Variants in CAMTA1 observed in about 807,000 individuals in gnomAD.
The protein encoded by CAMTA1 is calmodulin binding transcription activator 1, also known as calmodulin-binding transcription activator 1.
A neutral mutation model predicts 170.9 loss-of-function variants in CAMTA1; 27 were observed. The observed-to-expected ratio is 0.16, with a 90% CI of 0.12 to 0.22. The LOEUF is 0.22. Among genes scored for constraint, CAMTA1 ranks in the 10% least tolerant of loss-of-function variants. The pLI is 1.00. For missense variants in CAMTA1, 1,619 were observed against 2,217.2 expected (o/e 0.73, Z 5.42); for synonymous variants, 833 against 891.5 (o/e 0.93, Z 1.17).
chr1:7,582,285 T>C (rs1005113181), intron 6 of CAMTA1, among the ~76,000 whole-genome samples: 2 of 152,166 alleles, frequency 1.3e-5, no homozygotes, highest in African/African-American at 4.8e-5. Context: ...GTCCTTCTGA[T>C]AATGCAATGC....
At chr1:7,022,067 C>T (rs1056308538) in intron 3 of CAMTA1, among the ~76,000 whole-genome samples, 4 of 152,212 alleles carry the variant, frequency 2.6e-5, no homozygotes, top group Non-Finnish European at 4.4e-5. Context: ...GTCTCCCGAG[C>T]GTGACTCCCC....
chr1:7,016,848 A>C (rs1572459715), intron 3 of CAMTA1, among the ~76,000 whole-genome samples: 1 of 152,178 alleles, frequency 6.6e-6, no homozygotes, highest in African/African-American at 2.4e-5. Flanking sequence ...GAAGAAAAAA[A>C]AAAGGAAAAG....
Position 7,751,338 on chromosome 1 carries a change from G to C in CAMTA1, c.4829G>C (p.Cys1610Ser). 1 of 1,611,248 alleles carries C rather than the reference G, an allele frequency of 6.2e-7. No homozygotes were observed. Among genetic ancestry groups the C allele is most frequent in the Non-Finnish European group, 8.5e-7 (1 of 1,179,332 alleles). The change falls in exon 20 of 23, where the codon TGT becomes TCT. Residue 1610 changes from cysteine (C) to serine (S), a missense_variant. Transcript: ENST00000303635. ...AAGTACTACCGAAGTTATAAGAAAT[G>C]TGGCAAAAGACGGCAGGCTCGCCGG... ...IQKYYRSYKK[C>S]GKRRQARRTA... is the part of the protein sequence containing the mutation.
At chr1:7,019,067 G>A (rs956909818) in intron 3 of CAMTA1, among the ~76,000 whole-genome samples, 1 of 152,214 alleles carries the variant, frequency 6.6e-6, no homozygotes, top group African/African-American at 2.4e-5. Context: ...CATGCCTTTG[G>A]TGCTACCATG....
rs1158608185 is a variant in CAMTA1 at position 7,580,950 on chromosome 1, G to T, written c.511-59450G>T. On this transcript the variant is annotated intron_variant, in intron 6 of 22. Coordinates refer to ENST00000303635, the MANE Select transcript of CAMTA1 (RefSeq NM_015215.4). This position sits in a 1 kb window ranked among gnomAD's most constrained non-coding sequence, Gnocchi z 4.3. ...CTCATCTGTAAATGGGATAATAATA[G>T]AAAATACCCTAAAAGGTTGTTGAGA... 1.3e-5 allele frequency among the ~76,000 whole-genome samples: 2 copies of T among 152,182 alleles called. No homozygotes were observed. Among genetic ancestry groups the T allele is most frequent in the Non-Finnish European group, 2.9e-5 (2 of 68,036 alleles).
rs1466758049 is a variant in CAMTA1, at chr1:7,173,664, A to G, written c.303-75827A>G. On this transcript the variant is annotated intron_variant, in intron 4 of 22. Transcript: ENST00000303635. The surrounding 1 kb of genome is among the most constrained non-coding windows in gnomAD (Gnocchi z 5.4). ...CAGCCTCCCAAAGTGCTGAGATTAC[A>G]GGCGTGAGCCACCGTGCCCAGCCCA... Among the ~76,000 whole-genome samples the G allele has an allele frequency of 2.6e-5, 4 of 151,778 alleles. No homozygotes were observed. Among genetic ancestry groups the G allele is most frequent in the Admixed American group, 2.6e-4 (4 of 15,240 alleles).
intron 22 of CAMTA1, among the ~76,000 whole-genome samples, chr1:7,766,097 GACATTA>G (rs2097022134): frequency 2.0e-5 from 3 of 151,878 alleles, no homozygotes; most frequent in Non-Finnish European, 4.4e-5. Flanking sequence ...AGAGTGATAG[GACATTA>G]ATGGTGGTCC....
intron 11 of CAMTA1, among the ~76,000 whole-genome samples, chr1:7,691,745 A>C (rs1023674600): frequency 1.3e-5 from 2 of 152,156 alleles, no homozygotes; most frequent in East Asian, 3.9e-4. Context: ...TAGACAAGAG[A>C]GCGAGAGAGA....
At chr1:7,053,557 C>T (rs1430258453) in intron 3 of CAMTA1, among the ~76,000 whole-genome samples, 1 of 152,050 alleles carries the variant, frequency 6.6e-6, no homozygotes, top group Non-Finnish European at 1.5e-5. Flanking sequence ...AGGATAGATG[C>T]TGAAGTCCTC....
At chr1:7,090,219 C>T (rs983795575) in intron 3 of CAMTA1, among the ~76,000 whole-genome samples, 7 of 152,248 alleles carry the variant, frequency 4.6e-5, no homozygotes, top group South Asian at 2.1e-4. Context: ...CTCTGCTTAC[C>T]GGGCTTCTCT....
chr1:6,945,951 G>A (rs900053072), intron 3 of CAMTA1, among the ~76,000 whole-genome samples: 1 of 152,158 alleles, frequency 6.6e-6, no homozygotes, highest in Admixed American at 6.5e-5. Context: ...ATGATGAATC[G>A]TACTGCTTTG....
intron 3 of CAMTA1, among the ~76,000 whole-genome samples, chr1:6,828,545 C>T (rs1201362641): frequency 6.6e-6 from 1 of 152,096 alleles, no homozygotes; most frequent in Non-Finnish European, 1.5e-5. Flanking sequence ...CCACCTCAGC[C>T]TCCCAAAGTG....
At chr1:7,716,651 G>A (rs1223556984) in intron 11 of CAMTA1, among the ~76,000 whole-genome samples, 1 of 152,084 alleles carries the variant, frequency 6.6e-6, no homozygotes, top group African/African-American at 2.4e-5. Context: ...AGCACCGTCT[G>A]TGCAGATGGT....
At position 7,050,562 on chromosome 1, in the gene CAMTA1, G is replaced by A. The variant is rs1020847786; in HGVS notation, c.235-40742G>A. On this transcript the variant is annotated intron_variant, in intron 3 of 22. Coordinates refer to ENST00000303635, the MANE Select transcript of CAMTA1 (RefSeq NM_015215.4). This position sits in a 1 kb window ranked among gnomAD's most constrained non-coding sequence, Gnocchi z 4.8. ...GGGTAGACTTCAGACTTCTGCAAAC[G>A]TCACCTGGCAGTGCCCAGTTGAGAT... 7.2e-5 allele frequency among the ~76,000 whole-genome samples: 11 copies of A among 152,178 alleles called. No homozygotes were observed. The highest frequency in any genetic ancestry group is 1.7e-4 in the African/African-American group (7 of 41,436).
intron 3 of CAMTA1, among the ~76,000 whole-genome samples, chr1:7,061,884 G>T (rs1284821500): frequency 1.3e-5 from 2 of 151,908 alleles, no homozygotes; most frequent in African/African-American, 4.8e-5. Flanking sequence ...GTGAGCAGAG[G>T]GCTTTAATTT....
rs956009259 is a variant in CAMTA1, at chr1:7,682,646, A to G, written c.2914+4913A>G. ...GAGATCACACACTGTCCCAGAGTCC[A>G]GGGGTACATTCCAGGGACAGTGGGA... On this transcript the variant is annotated intron_variant, in intron 11 of 22. Transcript: ENST00000303635. The surrounding 1 kb of genome is among the most constrained non-coding windows in gnomAD (Gnocchi z 5.0). Among the ~76,000 whole-genome samples the G allele has an allele frequency of 1.3e-5, 2 of 152,314 alleles. No homozygotes were observed. The highest frequency in any genetic ancestry group is 4.8e-5 in the African/African-American group (2 of 41,578).
Position 6,786,626 on chromosome 1 carries a change from C to T in CAMTA1, c.45+1051C>T, listed in dbSNP as rs185466921. On this transcript the variant is annotated intron_variant, in intron 1 of 22. Coordinates refer to ENST00000303635, the MANE Select transcript of CAMTA1 (RefSeq NM_015215.4). ...AAGCAGACACTTCTTCCAGATCATG[C>T]ATACTCTTACACTTTGCTGGGTTAG... Among the ~76,000 whole-genome samples, 30 of 152,330 alleles carry T rather than the reference C, an allele frequency of 2.0e-4. 1 individual carries two copies. Among genetic ancestry groups the T allele is most frequent in the Admixed American group, 1.9e-3 (29 of 15,310 alleles).
At chr1:6,922,853 T>C (rs1682315768) in intron 3 of CAMTA1, among the ~76,000 whole-genome samples, 1 of 152,124 alleles carries the variant, frequency 6.6e-6, no homozygotes, top group Non-Finnish European at 1.5e-5. Context: ...AGGTTTTAAT[T>C]TGGAGCGCTG....
In CAMTA1 at chr1:7,195,308, T is replaced by C. The variant is rs911319702; in HGVS notation, c.303-54183T>C. On this transcript the variant is annotated intron_variant, in intron 4 of 22. Transcript: ENST00000303635. The surrounding 1 kb of genome is among the most constrained non-coding windows in gnomAD (Gnocchi z 4.1). ...CTGACCAGTGAAATGCAAGTGGAAA[T>C]GACAAGTGCGACTTCATGGCACAGA... Among the ~76,000 whole-genome samples, 6 of 152,184 alleles carry C rather than the reference T, an allele frequency of 3.9e-5. No individual in the cohort carries two copies. The highest frequency in any genetic ancestry group is 3.3e-4 in the Admixed American group (5 of 15,284).
Sources: allele counts gnomAD v4.1 joint callset (sites outside exome capture counted in the v4.1 genomes callset), GRCh38; gene constraint gnomAD v4.1.1; non-coding constraint Gnocchi (gnomAD v3.1); transcripts MANE v1.5; gene names NCBI Gene and HGNC (gene_info 2026-07-23, HGNC 2026-07-21).